The following LRP1B variants were observed in gnomAD, a reference collection of about 807,000 sequenced individuals.
LRP1B encodes the protein low-density lipoprotein receptor-related protein 1B.
Under a neutral mutation model 556.6 loss-of-function variants are expected in LRP1B, and 217 were observed. The ratio of observed to expected loss-of-function variants is 0.39; its 90% CI spans 0.35 to 0.44. The LOEUF is 0.44. Among genes scored for constraint, LRP1B ranks in the 20% least tolerant of loss-of-function variants. LRP1B has a pLI of 1.00. For synonymous variants in LRP1B, 2,047 were observed against 1,865.8 expected (o/e 1.10, Z -2.50); for missense variants, 5,053 against 5,620.8 (o/e 0.90, Z 3.23).
chr2:140,861,005 T>TCTATCTAC, intron 27 of LRP1B, among the ~76,000 whole-genome samples: 1 of 151,960 alleles, frequency 6.6e-6, no homozygotes, highest in Non-Finnish European at 1.5e-5. Flanking sequence ...TATCTATCTA[T>TCTATCTAC]CTATCTATCT....
At chr2:140,481,002 GA>G (rs1311894929) in intron 59 of LRP1B, among the ~76,000 whole-genome samples, 2 of 152,218 alleles carry the variant, frequency 1.3e-5, no homozygotes, top group Non-Finnish European at 2.9e-5. Context: ...AGGTAGCTGG[GA>G]TTACAGGCCT....
At chr2:140,726,927 TC>T (rs1314548761) in intron 35 of LRP1B, among the ~76,000 whole-genome samples, 4 of 152,232 alleles carry the variant, frequency 2.6e-5, no homozygotes, top group African/African-American at 9.6e-5. Context: ...ATTAGGTGCA[TC>T]TTTTTCAAAT....
At chr2:141,048,422 T>C (rs1698941329) in intron 11 of LRP1B, among the ~76,000 whole-genome samples, 1 of 152,162 alleles carries the variant, frequency 6.6e-6, no homozygotes, top group African/African-American at 2.4e-5. Context: ...TGTTTTTATG[T>C]ATATGACTTC....
chr2:140,982,150 C>A lies in LRP1B; in HGVS notation c.2887+10G>T, dbSNP rs775733647. On this transcript the variant is annotated intron_variant, in intron 18 of 90. Transcript: ENST00000389484. ...ATCTGTAATAATAACATGTCTCACT[C>A]ACAACTTACCACAAGATGCCATTTC... The A allele has an allele frequency of 5.0e-6, 8 of 1,601,300 alleles. No individual in the cohort carries two copies. The Admixed American group carries it at 6.7e-5, about 13-fold the overall frequency.
At chr2:140,295,128 T>G (rs765464782) in intron 84 of LRP1B, among the ~76,000 whole-genome samples, 13 of 152,142 alleles carry the variant, frequency 8.5e-5, no homozygotes, top group Non-Finnish European at 1.9e-4. Flanking sequence ...TCCGCGGGCC[T>G]CAGCCTCTCA....
intron 1 of LRP1B, among the ~76,000 whole-genome samples, chr2:142,113,488 C>CAA (rs34361933): frequency 0.19 from 28,433 of 146,434 alleles, 4,121 homozygotes; most frequent in African/African-American, 0.41. Context: ...ACAGTTGCCA[C>CAA]AAAAAAAAAA....
chr2:141,782,303 A>G (rs1050139073), intron 2 of LRP1B, among the ~76,000 whole-genome samples: 1 of 152,164 alleles, frequency 6.6e-6, no homozygotes, highest in African/African-American at 2.4e-5. Flanking sequence ...GAATTCTCTC[A>G]TCTTCTAAGT....
intron 1 of LRP1B, among the ~76,000 whole-genome samples, chr2:141,961,433 A>G (rs1004374030): frequency 5.9e-5 from 9 of 151,756 alleles, no homozygotes; most frequent in Non-Finnish European, 4.4e-5. Flanking sequence ...TGAAAATGTT[A>G]TAACCTAATA....
chr2:141,591,210 C>T (rs1484043579), intron 2 of LRP1B, among the ~76,000 whole-genome samples: 1 of 152,106 alleles, frequency 6.6e-6, no homozygotes, highest in Admixed American at 6.6e-5. Flanking sequence ...CCTAATTACT[C>T]CAGAGCTTCA....
At chr2:141,427,859 T>A (rs1457769335) in intron 3 of LRP1B, among the ~76,000 whole-genome samples, 2 of 152,206 alleles carry the variant, frequency 1.3e-5, no homozygotes, top group Admixed American at 1.3e-4. Context: ...GCTTTCTTAG[T>A]ATTGCACTGA....
chr2:141,135,489 C>T (rs1701469151), intron 7 of LRP1B, among the ~76,000 whole-genome samples: 1 of 151,920 alleles, frequency 6.6e-6, no homozygotes, highest in Non-Finnish European at 1.5e-5. Context: ...TAGGGACAAA[C>T]AAATTAACGT....
At chr2:141,142,193 T>C (rs1015113618) in intron 7 of LRP1B, among the ~76,000 whole-genome samples, 1 of 152,224 alleles carries the variant, frequency 6.6e-6, no homozygotes, top group Admixed American at 6.5e-5. Flanking sequence ...CCTTGACACC[T>C]TCTCACCAGA....
chr2:141,358,356 CCTT>C (rs543121690), intron 3 of LRP1B, among the ~76,000 whole-genome samples: 40 of 152,240 alleles, frequency 2.6e-4, no homozygotes, highest in African/African-American at 9.6e-4. Context: ...TGAGCTGAGG[CCTT>C]CTGGCAAAAG....
chr2:140,471,838 A>G (rs996312291), intron 60 of LRP1B, among the ~76,000 whole-genome samples: 51 of 152,178 alleles, frequency 3.4e-4, no homozygotes, highest in African/African-American at 1.2e-3. Flanking sequence ...TTGTTCATCT[A>G]GTGTCATTAT....
intron 1 of LRP1B, among the ~76,000 whole-genome samples, chr2:142,066,624 T>A (rs887461992): frequency 1.3e-5 from 2 of 151,560 alleles, no homozygotes; most frequent in African/African-American, 4.8e-5. Flanking sequence ...CCTACCACAC[T>A]CTTCATCTCC....
chr2:142,027,302 T>G (rs1703540662), intron 1 of LRP1B, among the ~76,000 whole-genome samples: 2 of 149,844 alleles, frequency 1.3e-5, no homozygotes, highest in Non-Finnish European at 3.0e-5. Flanking sequence ...TTTTAGAGGT[T>G]GTTTTTTTTT....
chr2:141,344,646 T>A (rs1205874471), intron 3 of LRP1B, among the ~76,000 whole-genome samples: 1 of 152,210 alleles, frequency 6.6e-6, no homozygotes, highest in Non-Finnish European at 1.5e-5. Context: ...ACTTTTTATC[T>A]ATTTATTTTC....
At chr2:140,543,027 G>A (rs150269334) in intron 43 of LRP1B, among the ~76,000 whole-genome samples, 37 of 152,234 alleles carry the variant, frequency 2.4e-4, no homozygotes, top group African/African-American at 7.7e-4. Flanking sequence ...TGAGTACTCC[G>A]CAGGGTCTGC....
At chr2:141,427,181 A>G (rs1680399678) in intron 3 of LRP1B, among the ~76,000 whole-genome samples, 1 of 152,198 alleles carries the variant, frequency 6.6e-6, no homozygotes, top group African/African-American at 2.4e-5. Flanking sequence ...AGGCATTAAA[A>G]TCTTACAAAA....
Sources: allele counts gnomAD v4.1 joint callset (sites outside exome capture counted in the v4.1 genomes callset), GRCh38; gene constraint gnomAD v4.1.1; transcripts MANE v1.5; gene names NCBI Gene and HGNC (gene_info 2026-07-23, HGNC 2026-07-21).